The following IPP variants were observed in gnomAD, a reference collection of about 807,000 sequenced individuals.
IPP encodes actin-binding protein IPP.
In IPP, 41 loss-of-function variants were observed where a neutral mutation model predicts 64.1. The observed-to-expected ratio is 0.64, with a 90% CI of 0.50 to 0.83. The LOEUF is 0.83. IPP is among the 40% of genes least tolerant of loss of function. IPP has a pLI of 0.00. For missense variants in IPP, 649 were observed against 703.0 expected, an observed-to-expected ratio of 0.92 and a Z score of 0.87; for synonymous variants, 214 against 235.2, an observed-to-expected ratio of 0.91 and a Z score of 0.83.
At chr1:45,746,032 A>G in intron 2 of IPP, 88 bp downstream of exon 2, 3 of 1,126,394 alleles carry the variant, frequency 2.7e-6, no homozygotes, top group Non-Finnish European at 3.8e-6. Context: ...ATTACCTTCT[A>G]GATAAGTTAG....
At chr1:45,721,118 CA>C (rs1430195364) in intron 5 of IPP, among the ~76,000 whole-genome samples, 2 of 152,108 alleles carry the variant, frequency 1.3e-5, no homozygotes, top group Non-Finnish European at 2.9e-5. Context: ...TGAATATAAA[CA>C]AAATTCCTAT....
intron 5 of IPP, among the ~76,000 whole-genome samples, chr1:45,721,832 CG>C (rs1404708508): frequency 6.6e-6 from 1 of 152,188 alleles, no homozygotes; most frequent in Non-Finnish European, 1.5e-5. Flanking sequence ...GAGGCCAAGG[CG>C]GGCAGATCAC....
chr1:45,708,857 C>T (rs777080025), intron 8 of IPP, among the ~76,000 whole-genome samples: 9 of 151,202 alleles, frequency 6.0e-5, no homozygotes, highest in South Asian at 4.2e-4. Flanking sequence ...CATGGCAAAA[C>T]CCTGTCTCTA....
intron 5 of IPP, among the ~76,000 whole-genome samples, chr1:45,725,070 G>A (rs1645796405): frequency 6.8e-6 from 1 of 146,334 alleles, no homozygotes; most frequent in African/African-American, 2.5e-5. Flanking sequence ...GAGGTGGGGG[G>A]GTCAGCCCCC....
At chr1:45,733,708 T>C (rs1645940564) in intron 3 of IPP, among the ~76,000 whole-genome samples, 1 of 151,772 alleles carries the variant, frequency 6.6e-6, no homozygotes, top group African/African-American at 2.4e-5. Context: ...GGTGGGCATC[T>C]GTAATCCCAG....
At chr1:45,724,119 T>C (rs1645770813) in intron 5 of IPP, among the ~76,000 whole-genome samples, 2 of 149,056 alleles carry the variant, frequency 1.3e-5, no homozygotes, top group African/African-American at 4.9e-5. Context: ...GCGCCTGCAA[T>C]TGCAGGCGCG....
chr1:45,708,032 A>G (rs1166733661), intron 8 of IPP, among the ~76,000 whole-genome samples: 2 of 152,036 alleles, frequency 1.3e-5, no homozygotes, highest in African/African-American at 2.4e-5. Flanking sequence ...GAGGAAATTA[A>G]AAAACATCTT....
At chr1:45,723,449 C>T (rs1348216355) in intron 5 of IPP, among the ~76,000 whole-genome samples, 1 of 152,116 alleles carries the variant, frequency 6.6e-6, no homozygotes, top group Admixed American at 6.6e-5. Context: ...GGATGGAATA[C>T]ATACATATGC....
Position 45,746,449 on chromosome 1 carries a change from A to T in IPP, c.-38T>A. ...TTAATTAAAAGGACTGTTGCCCATA[A>T]TCTGTTACTACCCTGAAAAACAAAA... On this transcript the variant is annotated 5_prime_UTR_variant, in exon 2 of 9. Coordinates refer to ENST00000396478, the MANE Select transcript of IPP (RefSeq NM_005897.3). The T allele has an allele frequency of 6.5e-7, 1 of 1,526,914 alleles. No individual in the cohort carries two copies. The highest frequency in any genetic ancestry group is 9.0e-7 in the Non-Finnish European group (1 of 1,113,920). The allele number at this position is 1,526,914 out of a possible 1,614,324, so 94.6% of individuals were successfully genotyped here.
rs574950999 is a variant in IPP at position 45,698,921 on chromosome 1, C to T, written c.*1045G>A. ...TTTTTTGGTAGAGACGGAGTCTCATCACGTTGCCCAGGCTAGTCTCGAACT... is the reference window on the plus strand; with the variant it reads ...TTTTTTGGTAGAGACGGAGTCTCATTACGTTGCCCAGGCTAGTCTCGAACT... On this transcript the variant is annotated 3_prime_UTR_variant, in exon 9 of 9. Coordinates refer to ENST00000396478, the MANE Select transcript of IPP (RefSeq NM_005897.3). 4.7e-6 allele frequency: 2 copies of T among 421,810 alleles called. No homozygotes were observed. The highest frequency in any genetic ancestry group is 2.2e-5 in the African/African-American group (1 of 46,378). 26.1% of individuals were successfully genotyped at this position (421,810 alleles called of 1,614,324 possible).
At chr1:45,743,414 C>CA (rs34696589) in intron 2 of IPP, among the ~76,000 whole-genome samples, 40,935 of 142,334 alleles carry the variant, frequency 0.29, 5,778 homozygotes, top group South Asian at 0.37. Flanking sequence ...GACTCCGCCT[C>CA]AAAAAAAAAA....
chr1:45,708,104 G>A lies in IPP; in HGVS notation c.1530+6142C>T, dbSNP rs537479719. Among the ~76,000 whole-genome samples, 98 of 149,036 alleles carry A rather than the reference G, an allele frequency of 6.6e-4. 1 individual carries two copies. The highest frequency in any genetic ancestry group is 2.3e-3 in the African/African-American group (93 of 40,536). On this transcript the variant is annotated intron_variant, in intron 8 of 8. Transcript: ENST00000396478. The stretch of plus-strand genomic sequence containing the variant: ...TTTTGAGATGGAGTCTCACTCTGTC[G>A]CCCAGGCTGGAGTGCAGTGGCATGA...
rs1645631391 is a variant in IPP at position 45,714,428 on chromosome 1, T to C, written c.1348A>G (p.Ile450Val). The change falls in exon 8 of 9, where the codon ATA becomes GTA. Residue 450 changes from isoleucine to valine, a missense_variant. Physicochemically the swap from Ile to Val is conservative, Grantham distance 29. Transcript: ENST00000396478. ...TAGACTTCAAAAGAACGAAGTTCTA[T>C]TCCTTCATTGCTGATGCCCCCAATT... ...YVIGGISNEGIELRSFEVYDP... is the reference protein window; with the variant it reads ...YVIGGISNEGVELRSFEVYDP... The C allele has an allele frequency of 1.2e-6, 2 of 1,613,844 alleles. No homozygotes were observed. The highest frequency in any genetic ancestry group is 1.3e-5 in the African/African-American group (1 of 74,946).
intron 5 of IPP, among the ~76,000 whole-genome samples, chr1:45,720,437 A>G (rs1453434035): frequency 6.6e-6 from 1 of 152,182 alleles, no homozygotes; most frequent in Non-Finnish European, 1.5e-5. Context: ...AAAAGAGTCA[A>G]TGTAAAGATG....
chr1:45,698,488 G>C (rs1645407127), downstream of IPP, among the ~76,000 whole-genome samples: 1 of 151,870 alleles, frequency 6.6e-6, no homozygotes, highest in Non-Finnish European at 1.5e-5. Flanking sequence ...TGGGTCAAGG[G>C]GTACTTTCAA....
At chr1:45,715,333 G>T (rs939138300) in intron 7 of IPP, among the ~76,000 whole-genome samples, 1 of 151,886 alleles carries the variant, frequency 6.6e-6, no homozygotes, top group African/African-American at 2.4e-5. Flanking sequence ...GAGTTACAAA[G>T]AATTATATTT....
chr1:45,724,894 G>T (rs1439513953), intron 5 of IPP, among the ~76,000 whole-genome samples: 18 of 149,584 alleles, frequency 1.2e-4, no homozygotes, highest in Admixed American at 1.2e-3. Flanking sequence ...AGGTGGGGGG[G>T]GTCAGCCCCC....
intron 5 of IPP, among the ~76,000 whole-genome samples, chr1:45,720,860 G>T (rs1645722057): frequency 6.6e-6 from 1 of 152,086 alleles, no homozygotes. Flanking sequence ...ACTGACATAA[G>T]TATGAATGGA....
chr1:45,732,032 C>T (rs991842489), intron 3 of IPP, among the ~76,000 whole-genome samples: 1 of 151,912 alleles, frequency 6.6e-6, no homozygotes, highest in African/African-American at 2.4e-5. Flanking sequence ...AGACAGACTC[C>T]TCGTAAGTGC....
Sources: allele counts gnomAD v4.1 joint callset (sites outside exome capture counted in the v4.1 genomes callset), GRCh38; gene constraint gnomAD v4.1.1; transcripts MANE v1.5; gene names NCBI Gene and HGNC (gene_info 2026-07-23, HGNC 2026-07-21).